The following SEC31A variants were observed in gnomAD, a reference collection of about 807,000 sequenced individuals.
The protein encoded by SEC31A is SEC31 homolog A, COPII component, also known as protein transport protein Sec31A.
In SEC31A, 70 loss-of-function variants were observed where a neutral mutation model predicts 151.0. The observed-to-expected ratio is 0.46, with a 90% confidence interval of 0.38 to 0.57. The LOEUF (loss-of-function observed/expected upper bound fraction) is 0.57, where lower values mean the gene tolerates loss of function less well. Ranked by LOEUF, SEC31A falls within the 20% of genes least tolerant of loss-of-function variation. SEC31A has a pLI of 0.00. For missense variants in SEC31A, 1,330 were observed against 1,471.2 expected (o/e 0.90, Z 1.57); for synonymous variants, 475 against 505.9 (o/e 0.94, Z 0.82).
chr4:82,819,129 G>A lies in SEC31A; in HGVS notation c.3608C>T (p.Ala1203Val). Residue 1203 changes from alanine to valine, a missense_variant, in exon 27 of 27, where the codon GCT becomes GTT. Coordinates refer to ENST00000395310, the MANE Select transcript of SEC31A (RefSeq NM_001077207.4). ...AACAACTTTGAGAACTGGCATGAAAGCAGAGGTCTCACTGAAGTTGCTGGT... is the reference window on the plus strand; with the variant it reads ...AACAACTTTGAGAACTGGCATGAAAACAGAGGTCTCACTGAAGTTGCTGGT... ...VSTSNFSETS[A>V]FMPVLKVVLT... 6.2e-7 allele frequency: 1 copy of A among 1,612,552 alleles called. No individual in the cohort carries two copies. The highest frequency in any genetic ancestry group is 8.5e-7 in the Non-Finnish European group (1 of 1,179,262).
At chr4:82,888,398 A>G (rs1741419321) in intron 1 of SEC31A, among the ~76,000 whole-genome samples, 1 of 48,614 alleles carries the variant, frequency 2.1e-5, no homozygotes, top group Non-Finnish European at 8.5e-5. Context: ...ATATATATAT[A>G]CACACAGACA....
At chr4:82,837,177 ATATATATATATATATATATATAATT>A (rs1727534660) in intron 22 of SEC31A, among the ~76,000 whole-genome samples, 1 of 49,680 alleles carries the variant, frequency 2.0e-5, no homozygotes, top group South Asian at 7.1e-4. Flanking sequence ...ATATATATAT[ATATATATATATATATATATATAATT>A]TCACCACAAT....
At position 82,864,556 on chromosome 4, in the gene SEC31A, A is replaced by C; in HGVS notation, c.1240T>G (p.Ser414Ala). The C allele has an allele frequency of 6.2e-7, 1 of 1,614,140 alleles. No homozygotes were observed. The highest frequency in any genetic ancestry group is 8.5e-7 in the Non-Finnish European group (1 of 1,180,026). Residue 414 changes from serine to alanine, a missense_variant, in exon 11 of 27, where the codon TCT becomes GCT. Physicochemically the swap from Ser to Ala is moderately conservative, Grantham distance 99 (BLOSUM62 1). Coordinates refer to ENST00000395310, the MANE Select transcript of SEC31A (RefSeq NM_001077207.4). ...LVTFENVRMP[S>A]HQGAEQQQQQ... is the part of the protein sequence containing the mutation. ...TGCTGCTGCTCAGCTCCCTGATGAGAAGGCATTCTGACATTCTCAAACGTA... is the reference window on the plus strand; with the variant it reads ...TGCTGCTGCTCAGCTCCCTGATGAGCAGGCATTCTGACATTCTCAAACGTA...
At chr4:82,886,290 C>T (rs550485052) in intron 1 of SEC31A, among the ~76,000 whole-genome samples, 2 of 152,304 alleles carry the variant, frequency 1.3e-5, no homozygotes, top group East Asian at 1.9e-4. Flanking sequence ...AGTTAATCCT[C>T]AATTTAACTA....
intron 16 of SEC31A, among the ~76,000 whole-genome samples, chr4:82,856,535 G>T (rs1732701430): frequency 6.6e-6 from 1 of 151,450 alleles, no homozygotes; most frequent in Non-Finnish European, 1.5e-5. Context: ...CGGATGACCT[G>T]AGGTCAGGAG....
In SEC31A at chr4:82,842,254, A is replaced by G. The variant is rs955936828; in HGVS notation, c.2854T>C (p.Ser952Pro). ...GCTCCTGGTCCGCCATGCTGGAAGG[A>G]TGCTCCAGAGGAAGGGGGAGGAGGG... ...SFPPPPSSGA[S>P]FQHGGPGAPP... The change falls in exon 22 of 27, where the codon TCC (serine) becomes CCC (proline). Residue 952 changes from serine (S) to proline (P), a missense_variant. Coordinates refer to ENST00000395310, the MANE Select transcript of SEC31A (RefSeq NM_001077207.4). 1 of 1,613,910 alleles carries G rather than the reference A, an allele frequency of 6.2e-7. No homozygotes were observed. The highest frequency in any genetic ancestry group is 1.3e-5 in the African/African-American group (1 of 74,914).
intron 3 of SEC31A, 133 bp from the exon 4 acceptor site, chr4:82,879,061 A>G (rs1738657449): frequency 1.5e-6 from 1 of 670,238 alleles, no homozygotes; most frequent in Non-Finnish European, 2.6e-6. Context: ...CACTCCTGGT[A>G]ACTATGTATG....
chr4:82,872,989 G>A (rs1737087085), intron 6 of SEC31A, among the ~76,000 whole-genome samples: 2 of 152,228 alleles, frequency 1.3e-5, no homozygotes, highest in South Asian at 4.1e-4. Context: ...GAGCTACTGC[G>A]CCCGGCCAGT....
chr4:82,842,315 C>T lies in SEC31A; in HGVS notation c.2793G>A (p.Gln931=), dbSNP rs1329112853. 5.6e-6 allele frequency: 9 copies of T among 1,613,450 alleles called. No individual in the cohort carries two copies. The highest frequency in any genetic ancestry group is 7.6e-6 in the Non-Finnish European group (9 of 1,179,728). The part of the protein sequence containing the change: ...GQSQLYAAQH[Q]ASSPTSSPAT... ...CAGGGCTGGAGGTAGGTGAAGAGGC[C>T]TGGTGCTGTGCTGCGTACAGCTGAG... The change falls in exon 22 of 27, where the codon CAG becomes CAA. Residue 931 remains glutamine, a synonymous_variant. Transcript: ENST00000395310.
rs5859838 is a variant in SEC31A, at chr4:82,850,114, C to CA, written c.2329-1138dup. ...GGCCTAAAGAATGTTCTTTAAAGTC[C>CA]AAAAAAAAAAAAGCATGAAGAATAA... On this transcript the variant is annotated intron_variant, in intron 19 of 26. Coordinates refer to ENST00000395310, the MANE Select transcript of SEC31A (RefSeq NM_001077207.4). Among the ~76,000 whole-genome samples the CA allele has an allele frequency of 9.9e-4, 125 of 126,076 alleles. 1 individual carries two copies. Among genetic ancestry groups the CA allele is most frequent in the South Asian group, 2.2e-3 (9 of 4,068 alleles). 82.7% of individuals were successfully genotyped at this position (126,076 alleles called of 152,430 possible). A position where few individuals can be genotyped will look rare whatever the true frequency, so the allele number is the denominator to read the frequency against.
chr4:82,823,551 T>G (rs1419959698), intron 25 of SEC31A, among the ~76,000 whole-genome samples: 1 of 152,206 alleles, frequency 6.6e-6, no homozygotes, highest in African/African-American at 2.4e-5. Context: ...CTAGAAGATG[T>G]TTTTTCATGC....
intron 20 of SEC31A, among the ~76,000 whole-genome samples, chr4:82,848,182 G>GT (rs1440079881): frequency 6.6e-6 from 1 of 151,570 alleles, no homozygotes; most frequent in Non-Finnish European, 1.5e-5. Flanking sequence ...GTAAAAAATA[G>GT]TAAGAAGCCA....
intron 18 of SEC31A, among the ~76,000 whole-genome samples, chr4:82,852,865 G>C (rs949188696): frequency 2.5e-4 from 38 of 152,120 alleles, no homozygotes; most frequent in Non-Finnish European, 5.1e-4. Context: ...CCAGCAGGGG[G>C]GATGGTTTCA....
upstream of SEC31A, among the ~76,000 whole-genome samples, chr4:82,892,412 T>A (rs1469972627): frequency 6.6e-6 from 1 of 152,272 alleles, no homozygotes; most frequent in African/African-American, 2.4e-5. Flanking sequence ...TTCAATAGGC[T>A]TGTATTACAG....
intron 16 of SEC31A, 100 bp downstream of exon 16, chr4:82,856,852 T>C: frequency 1.0e-6 from 1 of 992,124 alleles, no homozygotes; most frequent in Non-Finnish European, 1.4e-6. Flanking sequence ...CTTTTAAAAT[T>C]CTTTACTGGT....
intron 22 of SEC31A, among the ~76,000 whole-genome samples, chr4:82,831,634 G>A (rs1001999234): frequency 2.6e-5 from 4 of 152,132 alleles, no homozygotes; most frequent in African/African-American, 4.8e-5. Context: ...TTAGCACAGT[G>A]GTATCATTTT....
chr4:82,878,386 C>T (rs902951637), intron 4 of SEC31A, among the ~76,000 whole-genome samples: 6 of 151,978 alleles, frequency 3.9e-5, no homozygotes, highest in Admixed American at 6.6e-5. Context: ...CCCAGCTACT[C>T]GGGAGGCTGA....
chr4:82,842,269 G>A lies in SEC31A; in HGVS notation c.2839C>T (p.Pro947Ser), dbSNP rs201869730. Residue 947 changes from proline (P) to serine (S), a missense_variant, in exon 22 of 27, where the codon CCT (proline) becomes TCT (serine). Coordinates refer to ENST00000395310, the MANE Select transcript of SEC31A (RefSeq NM_001077207.4). ...TGCTGGAAGGATGCTCCAGAGGAAGGGGGAGGAGGGAAAGAAGTAGCAGGG... is the reference window on the plus strand; with the variant it reads ...TGCTGGAAGGATGCTCCAGAGGAAGAGGGAGGAGGGAAAGAAGTAGCAGGG... Reference protein sequence around the residue: ...SSPATSFPPPPSSGASFQHGG... With the variant: ...SSPATSFPPPSSSGASFQHGG... 6 of 1,613,940 alleles carry A rather than the reference G, an allele frequency of 3.7e-6. No individual in the cohort carries two copies. Among genetic ancestry groups the A allele is most frequent in the African/African-American group, 1.3e-5 (1 of 74,928 alleles).
At chr4:82,841,440 TTTTATATATA>T (rs1444174739) in intron 22 of SEC31A, among the ~76,000 whole-genome samples, 1 of 18,370 alleles carries the variant, frequency 5.4e-5, no homozygotes, top group Non-Finnish European at 2.2e-4. Flanking sequence ...AAAAAAAAAA[TTTTATATATA>T]TATATATATA....
Sources: gnomAD v4.1 joint callset for allele counts (sites outside exome capture counted in the v4.1 genomes callset) on GRCh38, gnomAD v4.1.1 for gene constraint, MANE v1.5 for transcripts, NCBI Gene and HGNC (gene_info 2026-07-23, HGNC 2026-07-21) for gene names.